Variants in ODF1 observed in about 807,000 individuals in gnomAD.
ODF1 encodes the protein outer dense fiber protein 1.
In ODF1, 10 loss-of-function variants were observed where a neutral mutation model predicts 24.0. That is an observed-to-expected ratio of 0.42 (90% CI 0.26 to 0.71). ODF1 has a LOEUF of 0.71. Ranked by LOEUF, ODF1 falls within the 30% of genes least tolerant of loss-of-function variation. The probability of loss-of-function intolerance (pLI) is 0.28; values close to 1 mark genes in which losing one functional copy is unlikely to be tolerated. For synonymous variants in ODF1, 118 were observed against 121.3 expected (o/e 0.97, Z 0.18); for missense variants, 282 against 307.9 (o/e 0.92, Z 0.63).
chr8:102,556,427 GTTGTTGTT>G (rs141296035), intron 1 of ODF1, among the ~76,000 whole-genome samples: 43,190 of 112,916 alleles, frequency 0.38, 6,368 homozygotes, highest in Admixed American at 0.45. Context: ...TTTTGTTGTT[GTTGTTGTT>G]TTGTTTTGTT....
At chr8:102,555,455 G>A (rs1394626851) in intron 1 of ODF1, among the ~76,000 whole-genome samples, 1 of 152,168 alleles carries the variant, frequency 6.6e-6, no homozygotes, top group Non-Finnish European at 1.5e-5. Flanking sequence ...TTCTGTCCAC[G>A]TACCCAAGTG....
chr8:102,556,603 A>G (rs1826115518), intron 1 of ODF1, among the ~76,000 whole-genome samples: 1 of 152,000 alleles, frequency 6.6e-6, no homozygotes, highest in African/African-American at 2.4e-5. Flanking sequence ...GCGGACAACC[A>G]CGCCTGGCTA....
At chr8:102,555,470 T>C (rs952467579) in intron 1 of ODF1, among the ~76,000 whole-genome samples, 1 of 152,188 alleles carries the variant, frequency 6.6e-6, no homozygotes, top group Non-Finnish European at 1.5e-5. Flanking sequence ...CAAGTGTCTG[T>C]TGTTGGCACG....
chr8:102,559,864 A>C (rs1450470104), intron 1 of ODF1, among the ~76,000 whole-genome samples: 1 of 151,638 alleles, frequency 6.6e-6, no homozygotes, highest in African/African-American at 2.4e-5. Flanking sequence ...CATCTCTAAA[A>C]TGCAGATTTT....
intron 1 of ODF1, among the ~76,000 whole-genome samples, chr8:102,552,556 C>A (rs1046321703): frequency 3.9e-5 from 6 of 152,108 alleles, no homozygotes; most frequent in African/African-American, 1.2e-4. Flanking sequence ...CCTATCCCCC[C>A]ACTCCAGGCA....
At chr8:102,553,338 C>T (rs1332878060) in intron 1 of ODF1, among the ~76,000 whole-genome samples, 1 of 147,930 alleles carries the variant, frequency 6.8e-6, no homozygotes, top group African/African-American at 2.5e-5. Context: ...GATTGCACCA[C>T]TACACTCCAG....
At position 102,551,750 on chromosome 8, in the gene ODF1, T is replaced by G. The variant is rs373220032; in HGVS notation, c.23T>G (p.Leu8Trp). ...ATAATGGCTGCACTGAGTTGTCTCT[T>G]GGACAGTGTCAGAAGGGACATAAAG... MAALSCL[L>W]DSVRRDIKKV... The change falls in exon 1 of 2, where the codon TTG becomes TGG. Residue 8 changes from leucine to tryptophan, a missense_variant. Physicochemically the swap from Leu to Trp is moderately conservative, Grantham distance 61. Coordinates refer to ENST00000285402, the MANE Select transcript of ODF1 (RefSeq NM_024410.4). The G allele has an allele frequency of 6.2e-7, 1 of 1,607,790 alleles. No individual in the cohort carries two copies. Among genetic ancestry groups the G allele is most frequent in the African/African-American group, 1.3e-5 (1 of 74,984 alleles).
Position 102,560,769 on chromosome 8 carries a change from G to GCCCCTGCAA in ODF1, c.646_647insACCCCTGCA (p.Cys215_Ser216insAsnProCys). 1 of 1,104,074 alleles carries GCCCCTGCAA rather than the reference G, an allele frequency of 9.1e-7. No homozygotes were observed. 68.4% of individuals were successfully genotyped at this position (1,104,074 alleles called of 1,614,324 possible). On this transcript the variant is annotated inframe_insertion, in exon 2 of 2. Coordinates refer to ENST00000285402, the MANE Select transcript of ODF1 (RefSeq NM_024410.4). ...TGCACTTCTCCTTGCAGCCCCTGCA[G>GCCCCTGCAA]CCCCTGCAGCCCCTGCAACCCCTGC...
At chr8:102,552,688 T>C (rs1219035947) in intron 1 of ODF1, among the ~76,000 whole-genome samples, 1 of 152,230 alleles carries the variant, frequency 6.6e-6, no homozygotes, top group East Asian at 1.9e-4. Context: ...TGAAAGGCTT[T>C]TTAATTGAAT....
At position 102,560,941 on chromosome 8, in the gene ODF1, T is replaced by G; in HGVS notation, c.*57T>G. 1.4e-5 allele frequency: 20 copies of G among 1,464,218 alleles called. No individual in the cohort carries two copies. The highest frequency in any genetic ancestry group is 1.8e-5 in the Non-Finnish European group (19 of 1,077,762). The allele number at this position is 1,464,218 out of a possible 1,614,324, so 90.7% of individuals were successfully genotyped here. ...GTCAGTTACTCCAGCCAGGCAGCTCTCCCAATGTTTCTCCTCTCCTTCCCA... is the reference window on the plus strand; with the variant it reads ...GTCAGTTACTCCAGCCAGGCAGCTCGCCCAATGTTTCTCCTCTCCTTCCCA... On this transcript the variant is annotated 3_prime_UTR_variant, in exon 2 of 2. Coordinates refer to ENST00000285402, the MANE Select transcript of ODF1 (RefSeq NM_024410.4).
Position 102,560,392 on chromosome 8 carries a change from G to A in ODF1, c.321-60G>A, listed in dbSNP as rs1587812631. 3 of 1,482,498 alleles carry A rather than the reference G, an allele frequency of 2.0e-6. No individual in the cohort carries two copies. The East Asian group carries it at 6.8e-5, about 34-fold the overall frequency. 91.8% of individuals were successfully genotyped at this position (1,482,498 alleles called of 1,614,324 possible). On this transcript the variant is annotated intron_variant, in intron 1 of 1. Coordinates refer to ENST00000285402, the MANE Select transcript of ODF1 (RefSeq NM_024410.4). ...TAGAAATCAAAATATTGCTTCTCAAGCTGTGTCTGGATTCTGAGGTCTGAG... is the reference window on the plus strand; with the variant it reads ...TAGAAATCAAAATATTGCTTCTCAAACTGTGTCTGGATTCTGAGGTCTGAG...
Position 102,552,041 on chromosome 8 carries a change from T to C in ODF1, c.314T>C (p.Leu105Pro), listed in dbSNP as rs1373146779. ...IRAIEDEKRE[L>P]AKLRRTTNRI... ...GCCATAGAAGATGAGAAGCGAGAGC[T>C]TGCCAAGTAAAATAACTTATTTTTA... Residue 105 changes from leucine to proline, a missense_variant, in exon 1 of 2, where the codon CTT (leucine) becomes CCT (proline). Leu to Pro is a moderately conservative substitution (Grantham distance 98, BLOSUM62 -3). Transcript: ENST00000285402. 1 of 1,575,416 alleles carries C rather than the reference T, an allele frequency of 6.3e-7. No homozygotes were observed.
At position 102,560,741 on chromosome 8, in the gene ODF1, C is replaced by A; in HGVS notation, c.610C>A (p.Pro204Thr). 6.2e-7 allele frequency: 1 copy of A among 1,613,728 alleles called. No individual in the cohort carries two copies. The highest frequency in any genetic ancestry group is 8.5e-7 in the Non-Finnish European group (1 of 1,179,928). ...SCVKIESPCY[P>T]CTSPCSPCSP... is the part of the protein sequence containing the mutation. ...TGTCAAGATCGAGTCTCCTTGCTAC[C>A]CTTGCACTTCTCCTTGCAGCCCCTG... The change falls in exon 2 of 2, where the codon CCT becomes ACT. Residue 204 changes from proline (P) to threonine (T), a missense_variant. Pro to Thr is a conservative substitution (Grantham distance 38, BLOSUM62 -1). Transcript: ENST00000285402.
Position 102,551,828 on chromosome 8 carries a change from G to C in ODF1, c.101G>C (p.Arg34Pro). Residue 34 changes from arginine (R) to proline (P), a missense_variant, in exon 1 of 2, where the codon CGG becomes CCG. Transcript: ENST00000285402. The part of the protein sequence containing the change: ...QLRCIDEFST[R>P]CLCDLYMHPY... ...AGATGCATCGACGAATTTAGCACACGGTGCCTGTGCGACTTGTATATGCAC... is the reference window on the plus strand; with the variant it reads ...AGATGCATCGACGAATTTAGCACACCGTGCCTGTGCGACTTGTATATGCAC... 2 of 1,614,120 alleles carry C rather than the reference G, an allele frequency of 1.2e-6. No homozygotes were observed. The highest frequency in any genetic ancestry group is 1.3e-5 in the African/African-American group (1 of 75,010).
At chr8:102,556,904 T>C (rs1452816599) in intron 1 of ODF1, among the ~76,000 whole-genome samples, 1 of 152,226 alleles carries the variant, frequency 6.6e-6, no homozygotes, top group Non-Finnish European at 1.5e-5. Flanking sequence ...CCTGGTTCCC[T>C]GATAGAGGTA....
At chr8:102,560,347 A>T in intron 1 of ODF1, 105 bp from the exon 2 acceptor site, 1 of 1,063,138 alleles carries the variant, frequency 9.4e-7, no homozygotes, top group Non-Finnish European at 1.4e-6. Flanking sequence ...GCTAGTATTA[A>T]CTTTGGCTAT....
At position 102,560,805 on chromosome 8, in the gene ODF1, AC is replaced by A. The variant is rs1563940551; in HGVS notation, c.677del (p.Pro226ArgfsTer23). On this transcript the variant is annotated frameshift_variant, in exon 2 of 2. Transcript: ENST00000285402. LOFTEE classifies it high-confidence loss of function. Reference sequence around the variant, plus strand: ...CCCTGCAACCCCTGCAGCCCCTGCAACCCGTGCAGCCCATATGATCCTTGCA... The same window carrying A: ...CCCTGCAACCCCTGCAGCCCCTGCAACCGTGCAGCCCATATGATCCTTGCA... Reference protein sequence around the residue: ...CSPCNPCSPCNPCSPYDPCNP... With the variant: ...CSPCNPCSPCXPCSPYDPCNP... The A allele has an allele frequency of 1.2e-6, 1 of 867,202 alleles. No homozygotes were observed. Among genetic ancestry groups the A allele is most frequent in the Non-Finnish European group, 1.5e-6 (1 of 656,338 alleles). 53.7% of individuals were successfully genotyped at this position (867,202 alleles called of 1,614,324 possible). A position where few individuals can be genotyped will look rare whatever the true frequency, so the allele number is the denominator to read the frequency against.
intron 1 of ODF1, among the ~76,000 whole-genome samples, chr8:102,558,713 T>A (rs967366525): frequency 6.8e-6 from 1 of 146,954 alleles, no homozygotes; most frequent in African/African-American, 2.7e-5. Flanking sequence ...TAAGAACACA[T>A]ACAAAACTCT....
intron 1 of ODF1, among the ~76,000 whole-genome samples, chr8:102,557,372 T>C (rs1826124822): frequency 1.3e-5 from 2 of 152,188 alleles, no homozygotes. Flanking sequence ...CCAACACATC[T>C]TCCCTGATAA....
Sources: gnomAD v4.1 joint callset for allele counts (sites outside exome capture counted in the v4.1 genomes callset) on GRCh38, gnomAD v4.1.1 for gene constraint, MANE v1.5 for transcripts, NCBI Gene and HGNC (gene_info 2026-07-23, HGNC 2026-07-21) for gene names.